The following ARHGEF10L variants were observed in gnomAD, a reference collection of about 807,000 sequenced individuals.
ARHGEF10L encodes the protein rho guanine nucleotide exchange factor 10-like protein.
Under a neutral mutation model 141.2 loss-of-function variants are expected in ARHGEF10L, and 69 were observed. The ratio of observed to expected loss-of-function variants is 0.49; its 90% CI spans 0.40 to 0.60. ARHGEF10L has a LOEUF of 0.60. ARHGEF10L is among the 20% of genes least tolerant of loss of function. ARHGEF10L has a pLI of 0.00. For synonymous variants in ARHGEF10L, 711 were observed against 718.5 expected, an observed-to-expected ratio of 0.99 and a Z score of 0.17; for missense variants, 1,482 against 1,734.3, an observed-to-expected ratio of 0.85 and a Z score of 2.58.
chr1:17,547,723 T>A (rs1486127490), intron 1 of ARHGEF10L, among the ~76,000 whole-genome samples: 2 of 152,240 alleles, frequency 1.3e-5, no homozygotes, highest in Non-Finnish European at 2.9e-5. Context: ...TTACTTTAAG[T>A]TATACATGTA....
intron 21 of ARHGEF10L, among the ~76,000 whole-genome samples, chr1:17,648,312 G>A (rs2061713146): frequency 6.6e-6 from 1 of 152,256 alleles, no homozygotes; most frequent in African/African-American, 2.4e-5. Context: ...GCACAGGGTT[G>A]TTCAGCGGTA....
chr1:17,688,314 C>T (rs186090236), intron 27 of ARHGEF10L, among the ~76,000 whole-genome samples: 7 of 152,242 alleles, frequency 4.6e-5, no homozygotes, highest in South Asian at 4.1e-4. Context: ...AGGGGAATGG[C>T]GGCGAAGGAT....
intron 4 of ARHGEF10L, among the ~76,000 whole-genome samples, chr1:17,592,725 A>G (rs1211003780): frequency 6.6e-6 from 1 of 152,116 alleles, no homozygotes; most frequent in Non-Finnish European, 1.5e-5. Flanking sequence ...AGATTGCCGC[A>G]GACCTAGTCT....
chr1:17,606,053 G>T (rs1047322129), intron 6 of ARHGEF10L, among the ~76,000 whole-genome samples: 1 of 152,094 alleles, frequency 6.6e-6, no homozygotes, highest in Non-Finnish European at 1.5e-5. Flanking sequence ...GGGTGAAGCT[G>T]GGGGGCCCTG....
rs2060241510 is a variant in ARHGEF10L at position 17,623,963 on chromosome 1, C to T, written c.1201-424C>T. Among the ~76,000 whole-genome samples the T allele has an allele frequency of 1.3e-5, 2 of 152,162 alleles. No homozygotes were observed. Among genetic ancestry groups the T allele is most frequent in the Admixed American group, 6.5e-5 (1 of 15,282 alleles). ...TCCCTTGGTAACTCAACTCTGGGCA[C>T]GCTGCCCGGTGAGAGGCCAGGAGCA... On this transcript the variant is annotated intron_variant, in intron 12 of 28. Transcript: ENST00000361221. This position sits in a 1 kb window ranked among gnomAD's most constrained non-coding sequence, Gnocchi z 4.7.
chr1:17,640,175 C>T (rs1409315255), intron 20 of ARHGEF10L, 27 bp from the exon 21 acceptor site: 1 of 1,599,496 alleles, frequency 6.3e-7, no homozygotes, highest in Non-Finnish European at 8.5e-7. Context: ...GGTACTCACA[C>T]ATCCACTCTA....
At chr1:17,570,339 G>T (rs2077940987) in intron 1 of ARHGEF10L, among the ~76,000 whole-genome samples, 1 of 152,232 alleles carries the variant, frequency 6.6e-6, no homozygotes, top group Admixed American at 6.5e-5. Context: ...TCAGGAGAAG[G>T]CCTCTGATAC....
chr1:17,514,795 T>C, the ARHGEF10L span, among the ~76,000 whole-genome samples: 5 of 152,328 alleles, frequency 3.3e-5, no homozygotes, highest in South Asian at 1.0e-3. Flanking sequence ...GGGCCTTGGT[T>C]AGGCCACCAC....
chr1:17,612,497 C>G (rs2059599636), intron 7 of ARHGEF10L, among the ~76,000 whole-genome samples: 3 of 152,172 alleles, frequency 2.0e-5, no homozygotes, highest in Admixed American at 2.0e-4. Context: ...CCTCTATGAG[C>G]CTGTTCGTCT....
chr1:17,544,499 G>T (rs2996647), intron 1 of ARHGEF10L, among the ~76,000 whole-genome samples: 12,162 of 147,470 alleles, frequency 0.082, 557 homozygotes, highest in African/African-American at 0.11. Flanking sequence ...TTCACCATGT[G>T]GGCCAGGCTG....
At chr1:17,527,103 C>A in the ARHGEF10L span, among the ~76,000 whole-genome samples, 2,918 of 152,250 alleles carry the variant, frequency 0.019, 44 homozygotes, top group South Asian at 0.039. Flanking sequence ...GGGCCACAGG[C>A]CTCCATGCCT....
chr1:17,534,706 C>T (rs1001964215), upstream of ARHGEF10L, among the ~76,000 whole-genome samples: 4 of 151,952 alleles, frequency 2.6e-5, no homozygotes, highest in Non-Finnish European at 2.9e-5. Flanking sequence ...TCTCCTGCCT[C>T]AGCCTCCCTA....
At chr1:17,602,448 A>C (rs1479524626) in intron 5 of ARHGEF10L, among the ~76,000 whole-genome samples, 1 of 152,090 alleles carries the variant, frequency 6.6e-6, no homozygotes, top group Non-Finnish European at 1.5e-5. Context: ...AGTTCCCACA[A>C]CAGGCCAGGG....
At chr1:17,542,063 C>A (rs6663944) in intron 1 of ARHGEF10L, among the ~76,000 whole-genome samples, 2 of 151,650 alleles carry the variant, frequency 1.3e-5, no homozygotes, top group Non-Finnish European at 2.9e-5. Flanking sequence ...CGCTTGAACC[C>A]GGGAGGCGGA....
intron 9 of ARHGEF10L, chr1:17,618,400 T>G: frequency 6.5e-7 from 1 of 1,542,898 alleles, no homozygotes; most frequent in South Asian, 1.2e-5. Flanking sequence ...CGAGGCAGGC[T>G]GGGGTGGGTG....
At chr1:17,544,925 C>G (rs2076864150) in intron 1 of ARHGEF10L, among the ~76,000 whole-genome samples, 2 of 152,084 alleles carry the variant, frequency 1.3e-5, no homozygotes. Context: ...CTTTATAAAA[C>G]CTTCAGGTCT....
chr1:17,655,251 C>T (rs1207254728), intron 23 of ARHGEF10L, among the ~76,000 whole-genome samples: 1 of 152,142 alleles, frequency 6.6e-6, no homozygotes, highest in East Asian at 1.9e-4. Context: ...ATCCATCCAT[C>T]CATCATCCAT....
chr1:17,536,921 GTGCAGCGGTGGGATCATGGCTCAC>G (rs1007854070), upstream of ARHGEF10L, among the ~76,000 whole-genome samples: 28 of 152,204 alleles, frequency 1.8e-4, no homozygotes, highest in African/African-American at 6.7e-4. Context: ...CTAGGCTGGG[GTGCAGCGGTGGGATCATGGCTCAC>G]TGCAGCCTCA....
Position 17,603,482 on chromosome 1 carries a change from G to A in ARHGEF10L, c.350-26G>A. ...CCAGGCTGCCACAGCCCACGGTGGT[G>A]CTCTCTCTCCCCACTTCCCTCCCAG... On this transcript the variant is annotated intron_variant, in intron 5 of 28. Coordinates refer to ENST00000361221, the MANE Select transcript of ARHGEF10L (RefSeq NM_018125.4). This position sits in a 1 kb window ranked among gnomAD's most constrained non-coding sequence, Gnocchi z 4.8. 6.2e-7 allele frequency: 1 copy of A among 1,604,876 alleles called. No individual in the cohort carries two copies. The highest frequency in any genetic ancestry group is 8.5e-7 in the Non-Finnish European group (1 of 1,174,098).
Sources: allele counts gnomAD v4.1 joint callset (sites outside exome capture counted in the v4.1 genomes callset), GRCh38; gene constraint gnomAD v4.1.1; non-coding constraint Gnocchi (gnomAD v3.1); transcripts MANE v1.5; gene names NCBI Gene and HGNC (gene_info 2026-07-23, HGNC 2026-07-21).